Variants in CDKL5 observed in about 807,000 individuals in gnomAD.
The protein encoded by CDKL5 is cyclin-dependent kinase-like 5.
CDKL5 carries 8 observed loss-of-function variants against 61.7 expected under a neutral mutation model. The ratio of observed to expected loss-of-function variants is 0.13; its 90% CI spans 0.08 to 0.23. CDKL5 has a LOEUF of 0.23. CDKL5 is among the 10% of genes least tolerant of loss of function. The pLI, the probability that CDKL5 is intolerant of heterozygous loss-of-function variation, is 1.00. For missense variants in CDKL5, 440 were observed against 734.5 expected (o/e 0.60, Z 4.63); for synonymous variants, 275 against 272.3 (o/e 1.01, Z -0.10).
At chrX:18,558,960 T>C (rs1924697178) in intron 3 of CDKL5, among the ~76,000 whole-genome samples, 2 of 112,507 alleles carry the variant, frequency 1.8e-5, no homozygotes, top group Admixed American at 1.9e-4. Flanking sequence ...TGCTTGGAAA[T>C]GTGGTCTCCA....
At chrX:18,469,914 A>C (rs1341510234) in intron 1 of CDKL5, among the ~76,000 whole-genome samples, 1 of 112,353 alleles carries the variant, frequency 8.9e-6, no homozygotes, top group Admixed American at 9.5e-5. Flanking sequence ...CTTAGAATAA[A>C]TACTGTAAGT....
At chrX:18,564,548 T>C in intron 4 of CDKL5, 26 bp downstream of exon 4, 1 of 580,007 alleles carries the variant, frequency 1.7e-6, no homozygotes, top group Non-Finnish European at 2.4e-6. Context: ...TATATATATA[T>C]ATCTGTATAT....
At chrX:18,524,033 G>A (rs780736332) in intron 3 of CDKL5, among the ~76,000 whole-genome samples, 3 of 111,490 alleles carry the variant, frequency 2.7e-5, no homozygotes, top group Non-Finnish European at 5.7e-5. Context: ...GTGAATAGGG[G>A]TAGTTCTACT....
chrX:18,583,925 T>G (rs1925560609), intron 7 of CDKL5, among the ~76,000 whole-genome samples: 1 of 112,010 alleles, frequency 8.9e-6, no homozygotes, highest in Non-Finnish European at 1.9e-5. Context: ...GGGACTTTAT[T>G]TCATTTTTTT....
chrX:18,494,000 G>A (rs1175905162), intron 1 of CDKL5, among the ~76,000 whole-genome samples: 1 of 110,132 alleles, frequency 9.1e-6, no homozygotes, highest in Non-Finnish European at 1.9e-5. Flanking sequence ...CTGCAGCTTC[G>A]ACTTCCTGTG....
At chrX:18,545,227 C>T (rs953605608) in intron 3 of CDKL5, among the ~76,000 whole-genome samples, 5 of 110,667 alleles carry the variant, frequency 4.5e-5, no homozygotes, top group Non-Finnish European at 9.5e-5. Context: ...CAGAGTGCAA[C>T]TCTGTCTCAA....
intron 1 of CDKL5, among the ~76,000 whole-genome samples, chrX:18,457,974 G>A (rs1932186927): frequency 1.1e-5 from 1 of 89,504 alleles, no homozygotes; most frequent in South Asian, 6.2e-4. Context: ...AGAGTGGAGT[G>A]CAATGGTGCG....
intron 3 of CDKL5, among the ~76,000 whole-genome samples, chrX:18,550,175 G>A (rs1924337093): frequency 8.9e-6 from 1 of 111,857 alleles, no homozygotes; most frequent in African/African-American, 3.3e-5. Flanking sequence ...ATCAACTGGG[G>A]TAGATCCCTG....
chrX:18,427,592 C>G (rs1931394790), intron 1 of CDKL5, among the ~76,000 whole-genome samples: 1 of 110,904 alleles, frequency 9.0e-6, no homozygotes, highest in South Asian at 3.7e-4. Context: ...ATTGTCTTGC[C>G]TTTTTAACAT....
rs183837872 is a variant in CDKL5, at chrX:18,567,932, G to T, written c.145+3410G>T. ...CAACTTACCACACATCATAGCTTTA[G>T]CCTAGCCTCCTTTAAACATGCTCAG... On this transcript the variant is annotated intron_variant, in intron 4 of 17. Coordinates refer to ENST00000623535, the MANE Select transcript of CDKL5 (RefSeq NM_001323289.2). Among the ~76,000 whole-genome samples the T allele has an allele frequency of 4.5e-5, 5 of 111,726 alleles. No homozygotes were observed. The East Asian group carries it at 1.4e-3, about 31-fold the overall frequency.
intron 12 of CDKL5, among the ~76,000 whole-genome samples, chrX:18,607,730 A>G (rs1161149552): frequency 8.9e-6 from 1 of 112,109 alleles, no homozygotes; most frequent in East Asian, 2.8e-4. Context: ...CTTGAAAAGC[A>G]CAGAGACTCT....
At chrX:18,441,609 C>A (rs1473785367) in intron 1 of CDKL5, among the ~76,000 whole-genome samples, 1 of 111,212 alleles carries the variant, frequency 9.0e-6, no homozygotes, top group Non-Finnish European at 1.9e-5. Flanking sequence ...TTCACTGTTA[C>A]ATTGGGCTGG....
At chrX:18,584,142 C>A (rs1043483618) in intron 7 of CDKL5, 121 bp from the exon 8 acceptor site, 1 of 548,867 alleles carries the variant, frequency 1.8e-6, no homozygotes, top group Admixed American at 2.3e-5. Flanking sequence ...ATAGCCCATG[C>A]GAGAACAGTC....
At chrX:18,445,101 G>A (rs1262531570) in intron 1 of CDKL5, among the ~76,000 whole-genome samples, 1 of 96,067 alleles carries the variant, frequency 1.0e-5, no homozygotes, top group Non-Finnish European at 2.0e-5. Context: ...TTTTTGAGAC[G>A]GAGCCTTGCT....
At chrX:18,647,221 T>C (rs757345261) in intron 20 of CDKL5, 3 of 1,211,296 alleles carry the variant, frequency 2.5e-6, no homozygotes, top group Non-Finnish European at 3.4e-6. Context: ...CCGGGCCTTG[T>C]TTGCAGTCCA....
intron 3 of CDKL5, among the ~76,000 whole-genome samples, chrX:18,561,927 C>T (rs1006634415): frequency 9.0e-6 from 1 of 111,312 alleles, no homozygotes; most frequent in African/African-American, 3.3e-5. Context: ...AAGTAATGGA[C>T]ATAATTACAA....
At chrX:18,605,626 G>A (rs1403519667) in intron 12 of CDKL5, among the ~76,000 whole-genome samples, 2 of 112,159 alleles carry the variant, frequency 1.8e-5, no homozygotes, top group Non-Finnish European at 3.8e-5. Context: ...AAAACAAGAA[G>A]TAGCATTCTT....
chrX:18,478,852 G>A (rs1173202329), intron 1 of CDKL5, among the ~76,000 whole-genome samples: 5 of 108,270 alleles, frequency 4.6e-5, no homozygotes, highest in Non-Finnish European at 9.6e-5. Flanking sequence ...AGTAGCTGGG[G>A]CTACAGGTGT....
At chrX:18,648,408 A>C (rs1397394510) in intron 20 of CDKL5, among the ~76,000 whole-genome samples, 1 of 109,382 alleles carries the variant, frequency 9.1e-6, no homozygotes, top group Non-Finnish European at 1.9e-5. Context: ...CACCCAGCTA[A>C]TTTTTGTATT....
Sources: gnomAD v4.1 joint callset for allele counts (sites outside exome capture counted in the v4.1 genomes callset) on GRCh38, gnomAD v4.1.1 for gene constraint, MANE v1.5 for transcripts, NCBI Gene and HGNC (gene_info 2026-07-23, HGNC 2026-07-21) for gene names.